RAD51D: variants seen among roughly 807,000 people sequenced by gnomAD.
The protein encoded by RAD51D is RAD51 paralog D.
A neutral mutation model predicts 44.1 loss-of-function variants in RAD51D; 38 were observed. That is an observed-to-expected ratio of 0.86 (90% confidence interval 0.67 to 1.13). The LOEUF is 1.13. Ranked by LOEUF, RAD51D falls within the 50% of genes most tolerant of loss-of-function variation. RAD51D has a pLI of 0.00. For missense variants in RAD51D, 390 were observed against 414.0 expected, an observed-to-expected ratio of 0.94 and a Z score of 0.50; for synonymous variants, 141 against 166.6, an observed-to-expected ratio of 0.85 and a Z score of 1.18.
At chr17:35,111,145 G>A (rs895428194) in intron 3 of RAD51D, among the ~76,000 whole-genome samples, 16 of 150,400 alleles carry the variant, frequency 1.1e-4, no homozygotes, top group African/African-American at 2.2e-4. Context: ...TTGGGAGTCC[G>A]AGGCGGGTGG....
Position 35,099,516 on chromosome 17 carries a change from G to A in RAD51D, c.*1437C>T. 1 of 266,154 alleles carries A rather than the reference G, an allele frequency of 3.8e-6. No homozygotes were observed. The highest frequency in any genetic ancestry group is 7.4e-6 in the Non-Finnish European group (1 of 134,704). The allele number at this position is 266,154 out of a possible 1,614,324, so 16.5% of individuals were successfully genotyped here. On this transcript the variant is annotated 3_prime_UTR_variant, in exon 10 of 10. Coordinates refer to ENST00000345365, the MANE Select transcript of RAD51D (RefSeq NM_002878.4). ...ATACTGAAGATTAATTTCTCCTGAG[G>A]TCTTCTGTGAAAGCAAGCGCTAGGA... is the stretch of plus-strand genomic sequence containing the variant.
intron 8 of RAD51D, 27 bp from the exon 9 acceptor site, chr17:35,101,392 CATA>C: frequency 6.2e-7 from 1 of 1,609,348 alleles, no homozygotes; most frequent in Non-Finnish European, 8.5e-7. Flanking sequence ...CTTACAGATC[CATA>C]ATGCTAGTAT....
In RAD51D at chr17:35,100,373, C is replaced by T. The variant is rs1264206851; in HGVS notation, c.*580G>A. 1 of 534,192 alleles carries T rather than the reference C, an allele frequency of 1.9e-6. No homozygotes were observed. The highest frequency in any genetic ancestry group is 3.6e-6 in the Non-Finnish European group (1 of 276,306). The allele number at this position is 534,192 out of a possible 1,614,324, so 33.1% of individuals were successfully genotyped here. On this transcript the variant is annotated 3_prime_UTR_variant, in exon 10 of 10. Coordinates refer to ENST00000345365, the MANE Select transcript of RAD51D (RefSeq NM_002878.4). ...AGCCTTCTAAGGGGAAATCAGGTGG[C>T]TCTAGGGCTCGGGGAATTGCCTTTT...
intron 3 of RAD51D, among the ~76,000 whole-genome samples, chr17:35,113,960 AT>A (rs2091706933): frequency 6.6e-6 from 1 of 152,244 alleles, no homozygotes; most frequent in South Asian, 2.1e-4. Flanking sequence ...GTTAGTCTCA[AT>A]CCTGCCTGCA....
In RAD51D at chr17:35,094,559, A is replaced by G. The variant is rs1194164921; in HGVS notation, c.*6394T>C. On this transcript the variant is annotated 3_prime_UTR_variant, in exon 10 of 10. Transcript: ENST00000345365. The stretch of plus-strand genomic sequence containing the variant: ...AAGTAGATCTCTGATCCCGCTTTTT[A>G]TGGTGAGCTAAGCTGAAAAGAGGTT... 1.3e-5 allele frequency: 2 copies of G among 152,180 alleles called. No individual in the cohort carries two copies. The highest frequency in any genetic ancestry group is 2.9e-5 in the Non-Finnish European group (2 of 68,022). 9.4% of individuals were successfully genotyped at this position (152,180 alleles called of 1,614,324 possible). A position where few individuals can be genotyped will look rare whatever the true frequency, so the allele number is the denominator to read the frequency against.
chr17:35,114,710 A>G (rs1238179154), intron 3 of RAD51D, among the ~76,000 whole-genome samples: 1 of 152,138 alleles, frequency 6.6e-6, no homozygotes, highest in African/African-American at 2.4e-5. Context: ...AAATTAAAAA[A>G]TTAAAAAATA....
At chr17:35,106,614 T>C in intron 5 of RAD51D, 133 bp from the exon 6 acceptor site, 4 of 737,276 alleles carry the variant, frequency 5.4e-6, no homozygotes, top group Non-Finnish European at 9.5e-6. Context: ...TGTCTAATGG[T>C]CAGTTGTCAC....
chr17:35,113,700 G>A (rs1410794175), intron 3 of RAD51D: 2 of 236,888 alleles, frequency 8.4e-6, no homozygotes, highest in Non-Finnish European at 1.8e-5. Flanking sequence ...TGTTTAATAA[G>A]TATCCAGCCT....
chr17:35,108,153 G>A (rs1437212649), intron 3 of RAD51D, among the ~76,000 whole-genome samples: 6 of 151,378 alleles, frequency 4.0e-5, no homozygotes, highest in Non-Finnish European at 1.5e-5. Flanking sequence ...GCTGAGGCAG[G>A]AGAATCGCTT....
Position 35,106,233 on chromosome 17 carries a change from T to C in RAD51D, c.576+153A>G, listed in dbSNP as rs574532361. On this transcript the variant is annotated intron_variant, in intron 6 of 9. Transcript: ENST00000345365. The stretch of plus-strand genomic sequence containing the variant: ...TAAACAATGAGGTATGTGATTTAGG[T>C]GCTCGGGAATTCCATCCTGGGAGTA... 4 of 762,906 alleles carry C rather than the reference T, an allele frequency of 5.2e-6. No individual in the cohort carries two copies. In the East Asian group the frequency reaches 9.9e-5, roughly 19 times the overall value. The allele number at this position is 762,906 out of a possible 1,614,324, so 47.3% of individuals were successfully genotyped here. A position where few individuals can be genotyped will look rare whatever the true frequency, so the allele number is the denominator to read the frequency against.
intron 1 of RAD51D, 97 bp downstream of exon 1, chr17:35,119,435 C>T (rs1597878310): frequency 2.2e-6 from 3 of 1,368,802 alleles, no homozygotes; most frequent in South Asian, 1.2e-5. Context: ...GGAGGGGAAG[C>T]GCCCTGCAGG....
chr17:35,115,001 G>T (rs2091719934), intron 3 of RAD51D, among the ~76,000 whole-genome samples: 1 of 152,166 alleles, frequency 6.6e-6, no homozygotes, highest in Admixed American at 6.5e-5. Context: ...TCTGTATAAG[G>T]TATTCCCAAA....
intron 3 of RAD51D, chr17:35,116,736 C>T (rs1017698355): frequency 1.7e-4 from 120 of 723,508 alleles, no homozygotes; most frequent in South Asian, 8.1e-4. Context: ...CCTCATGATC[C>T]GCCCACCTCA....
chr17:35,103,501 G>C lies in RAD51D; in HGVS notation c.620C>G (p.Ser207Trp), dbSNP rs370228071. 6.2e-7 allele frequency: 1 copy of C among 1,614,150 alleles called. No individual in the cohort carries two copies. The highest frequency in any genetic ancestry group is 8.5e-7 in the Non-Finnish European group (1 of 1,180,022). ...AAGTGGGGAAACCACCGCAGTGACC[G>C]AGTCCACAACCACCACCTTCACAGT... ...SGTVKVVVVD[S>W]VTAVVSPLLG... Residue 207 changes from serine to tryptophan, a missense_variant, in exon 7 of 10, where the codon TCG (serine) becomes TGG (tryptophan). Transcript: ENST00000345365. This position sits in a 1 kb window ranked among gnomAD's most constrained non-coding sequence, Gnocchi z 4.1.
intron 2 of RAD51D, 66 bp downstream of exon 2, chr17:35,119,045 C>T (rs2142476610): frequency 1.3e-6 from 2 of 1,506,384 alleles, no homozygotes; most frequent in Non-Finnish European, 1.8e-6. Flanking sequence ...CCACCGCGCC[C>T]AGCTGGCTTG....
chr17:35,107,069 T>A lies in RAD51D; in HGVS notation c.399A>T (p.Leu133=), dbSNP rs774111609. The A allele has an allele frequency of 6.2e-7, 1 of 1,614,066 alleles. No individual in the cohort carries two copies. ...TCAGCCCTCCATTGGAATCTACATA[T>A]AGGACGTTTTGCTGCAGGCCATGGG... ...NVAHGLQQNV[L]YVDSNGGLTA... is the part of the protein sequence containing the mutation. Residue 133 remains leucine (L), a synonymous_variant, in exon 5 of 10, where the codon CTA becomes CTT. Transcript: ENST00000345365.
rs147264215 is a variant in RAD51D at position 35,107,034 on chromosome 17, C to T, written c.434G>A (p.Arg145His). ...TTTAGCCTGAAGCAGCTGGAGGAGGCGGGAAGCTGTCAGCCCTCCATTGGA... is the reference window on the plus strand; with the variant it reads ...TTTAGCCTGAAGCAGCTGGAGGAGGTGGGAAGCTGTCAGCCCTCCATTGGA... ...VDSNGGLTAS[R>H]LLQLLQAKTQ... The change falls in exon 5 of 10, where the codon CGC (arginine) becomes CAC (histidine). Residue 145 changes from arginine to histidine, a missense_variant. Arg to His is a conservative substitution (Grantham distance 29). Transcript: ENST00000345365. 57 of 1,613,978 alleles carry T rather than the reference C, an allele frequency of 3.5e-5. No homozygotes were observed. The African/African-American group carries it at 5.3e-4, about 15-fold the overall frequency.
At position 35,098,620 on chromosome 17, in the gene RAD51D, G is replaced by T. The variant is rs2091503497; in HGVS notation, c.*2333C>A. 1 of 151,994 alleles carries T rather than the reference G, an allele frequency of 6.6e-6. No homozygotes were observed. Among genetic ancestry groups the T allele is most frequent in the African/African-American group, 2.4e-5 (1 of 41,352 alleles). The allele number at this position is 151,994 out of a possible 1,614,324, so 9.4% of individuals were successfully genotyped here. A position where few individuals can be genotyped will look rare whatever the true frequency, so the allele number is the denominator to read the frequency against. ...GGGGTTTCACCATGTTGGTCAGGCT[G>T]GTCTGGAACTCCTGACCTTAGGTGA... On this transcript the variant is annotated 3_prime_UTR_variant, in exon 10 of 10. Transcript: ENST00000345365.
chr17:35,101,397 T>C, intron 8 of RAD51D, 32 bp from the exon 9 acceptor site: 1 of 1,606,880 alleles, frequency 6.2e-7, no homozygotes. Context: ...AGATCCATAA[T>C]GCTAGTATAG....
Sources: gnomAD v4.1 joint callset for allele counts (sites outside exome capture counted in the v4.1 genomes callset) on GRCh38, gnomAD v4.1.1 for gene constraint, Gnocchi (gnomAD v3.1) non-coding constraint, MANE v1.5 for transcripts, NCBI Gene and HGNC (gene_info 2026-07-23, HGNC 2026-07-21) for gene names.